The following CSTL1 variants were observed in gnomAD, a reference collection of about 807,000 sequenced individuals.
CSTL1 encodes the protein cystatin like 1, also known as cystatin-like 1.
In CSTL1, 14 loss-of-function variants were observed where a neutral mutation model predicts 14.4. The ratio of observed to expected loss-of-function variants is 0.97; its 90% CI spans 0.64 to 1.52. The LOEUF is 1.52. Ranked by LOEUF, CSTL1 falls within the 40% of genes most tolerant of loss-of-function variation. The pLI, the probability that CSTL1 is intolerant of heterozygous loss-of-function variation, is 0.00. For synonymous variants in CSTL1, 72 were observed against 67.5 expected (o/e 1.07, Z -0.33); for missense variants, 170 against 168.7 (o/e 1.01, Z -0.04).
At chr20:23,442,778 C>T (rs1013273525) in intron 2 of CSTL1, among the ~76,000 whole-genome samples, 5 of 152,170 alleles carry the variant, frequency 3.3e-5, no homozygotes, top group African/African-American at 1.2e-4. Flanking sequence ...CAGAGATGAC[C>T]AAGCCCTCTC....
downstream of CSTL1, among the ~76,000 whole-genome samples, chr20:23,447,223 A>G (rs1376875855): frequency 6.6e-6 from 1 of 152,260 alleles, no homozygotes; most frequent in Admixed American, 6.5e-5. Flanking sequence ...AAATGGAGTC[A>G]TACAATATAT....
chr20:23,456,355 G>C, the CSTL1 span, among the ~76,000 whole-genome samples: 2 of 152,162 alleles, frequency 1.3e-5, no homozygotes, highest in African/African-American at 4.8e-5. Context: ...GGGGAGGAGT[G>C]CTTGCTTCTT....
chr20:23,454,097 A>G, the CSTL1 span, among the ~76,000 whole-genome samples: 1 of 151,674 alleles, frequency 6.6e-6, no homozygotes, highest in Non-Finnish European at 1.5e-5. Context: ...ACTGAAACAC[A>G]CACACAACAC....
At chr20:23,443,610 C>A (rs545374539) in intron 2 of CSTL1, among the ~76,000 whole-genome samples, 59 of 152,366 alleles carry the variant, frequency 3.9e-4, no homozygotes, top group Middle Eastern at 3.4e-3. Context: ...ATTTTGAAGG[C>A]CACATCTGCC....
the CSTL1 span, among the ~76,000 whole-genome samples, chr20:23,455,511 G>A: frequency 2.4e-4 from 37 of 152,342 alleles, no homozygotes; most frequent in Admixed American, 7.8e-4. Flanking sequence ...CATCTAGCAC[G>A]TGGTGGGGCA....
chr20:23,457,895 T>C, the CSTL1 span, among the ~76,000 whole-genome samples: 48 of 152,292 alleles, frequency 3.2e-4, no homozygotes, highest in Admixed American at 7.8e-4. Flanking sequence ...AAAGGCTCAT[T>C]GTCTTGACTT....
intron 2 of CSTL1, 110 bp downstream of exon 2, chr20:23,440,596 G>C (rs757869056): frequency 1.2e-6 from 1 of 826,074 alleles, no homozygotes. Flanking sequence ...CCTCCGTGAG[G>C]TCCCAAGGGG....
downstream of CSTL1, among the ~76,000 whole-genome samples, chr20:23,445,084 G>A (rs1233653337): frequency 6.6e-6 from 1 of 151,838 alleles, no homozygotes; most frequent in Admixed American, 6.6e-5. Context: ...TCACATACAT[G>A]CACATTCACT....
the CSTL1 span, among the ~76,000 whole-genome samples, chr20:23,457,011 A>T: frequency 6.6e-6 from 1 of 152,160 alleles, no homozygotes; most frequent in Admixed American, 6.5e-5. Flanking sequence ...CCACAAGGTA[A>T]CAAGTTCACA....
the CSTL1 span, among the ~76,000 whole-genome samples, chr20:23,451,253 G>C: frequency 2.0e-5 from 3 of 151,866 alleles, no homozygotes; most frequent in Admixed American, 6.6e-5. Flanking sequence ...CCAGTGCCAG[G>C]TGGGATGAAG....
chr20:23,456,643 A>G, the CSTL1 span, among the ~76,000 whole-genome samples: 3 of 152,150 alleles, frequency 2.0e-5, no homozygotes, highest in African/African-American at 4.8e-5. Flanking sequence ...TGCTGTAACT[A>G]GTTACTAACA....
At chr20:23,451,980 C>A in the CSTL1 span, 6 of 1,359,068 alleles carry the variant, frequency 4.4e-6, no homozygotes, top group Admixed American at 1.7e-5. Flanking sequence ...TCTGCGGTTT[C>A]TGTGCCTGGG....
the CSTL1 span, chr20:23,458,560 C>G: frequency 6.6e-6 from 1 of 152,084 alleles, no homozygotes; most frequent in Non-Finnish European, 1.5e-5. Context: ...GTTCTCCTGG[C>G]CAAATTGAAC....
At chr20:23,452,595 CT>C in the CSTL1 span, 2 of 1,611,680 alleles carry the variant, frequency 1.2e-6, no homozygotes, top group Non-Finnish European at 1.7e-6. Flanking sequence ...TGCCTCTGGA[CT>C]TTAAGGACTC....
the CSTL1 span, chr20:23,450,590 C>T: frequency 4.4e-6 from 7 of 1,601,156 alleles, no homozygotes; most frequent in Non-Finnish European, 6.0e-6. Context: ...AGTTGACTTG[C>T]TAAAACAAAA....
the CSTL1 span, among the ~76,000 whole-genome samples, chr20:23,453,759 G>A: frequency 3.7e-4 from 57 of 152,234 alleles, 1 homozygote; most frequent in Middle Eastern, 3.4e-3. Flanking sequence ...CGCCTGTTTC[G>A]AGGCTTCCTC....
At chr20:23,459,784 T>C in the CSTL1 span, among the ~76,000 whole-genome samples, 8 of 152,206 alleles carry the variant, frequency 5.3e-5, no homozygotes, top group East Asian at 3.9e-4. Flanking sequence ...ACATGGATGA[T>C]TGAATGAATA....
chr20:23,455,026 T>A, the CSTL1 span, among the ~76,000 whole-genome samples: 1 of 152,164 alleles, frequency 6.6e-6, no homozygotes, highest in Non-Finnish European at 1.5e-5. Flanking sequence ...TTGCCTTATC[T>A]GCCATTGGGA....
rs2277766 is a variant in CSTL1 at position 23,444,547 on chromosome 20, G to A, written c.331-224G>A. On this transcript the variant is annotated intron_variant, in intron 3 of 3. Transcript: ENST00000347397. ...GGTCCGGCCAGGCCATAGACTCCAG[G>A]TTCACCTGCTGTGGGTCCCAAGTGG... Among the ~76,000 whole-genome samples the A allele has an allele frequency of 1.0e-2, 1,517 of 152,292 alleles. 34 individuals are homozygous for A. In the East Asian group the frequency reaches 0.1, roughly 10 times the overall value.
Sources: gnomAD v4.1 joint callset for allele counts (sites outside exome capture counted in the v4.1 genomes callset) on GRCh38, gnomAD v4.1.1 for gene constraint, MANE v1.5 for transcripts, NCBI Gene and HGNC (gene_info 2026-07-23, HGNC 2026-07-21) for gene names.